The following CCDC171 variants were observed in gnomAD, a reference collection of about 807,000 sequenced individuals.
CCDC171 encodes the protein coiled-coil domain-containing protein 171.
In CCDC171, 177 loss-of-function variants were observed where a neutral mutation model predicts 168.2. The ratio of observed to expected loss-of-function variants is 1.05; its 90% CI spans 0.93 to 1.19. The LOEUF is 1.19. CCDC171 is among the 50% of genes most tolerant of loss of function. CCDC171 has a pLI of 0.00. For synonymous variants in CCDC171, 687 were observed against 540.8 expected (o/e 1.27, Z -3.75); for missense variants, 1,991 against 1,539.0 (o/e 1.29, Z -4.91).
intron 4 of CCDC171, among the ~76,000 whole-genome samples, chr9:15,587,428 A>G (rs193251881): frequency 6.6e-6 from 1 of 152,312 alleles, no homozygotes; most frequent in African/African-American, 2.4e-5. Context: ...CCATGCATGT[A>G]AGATATGACT....
At chr9:15,642,191 G>C (rs1193193372) in intron 7 of CCDC171, among the ~76,000 whole-genome samples, 1 of 151,444 alleles carries the variant, frequency 6.6e-6, no homozygotes, top group Non-Finnish European at 1.5e-5. Flanking sequence ...GTTGTTCGTA[G>C]TGTATAGTAC....
At chr9:16,085,687 G>A in the CCDC171 span, among the ~76,000 whole-genome samples, 12 of 152,206 alleles carry the variant, frequency 7.9e-5, 1 homozygote, top group Admixed American at 3.3e-4. Context: ...AGGTGGTATT[G>A]ATGCCAAATT....
chr9:15,719,990 C>T (rs367942789), intron 11 of CCDC171, among the ~76,000 whole-genome samples: 1 of 10,908 alleles, frequency 9.2e-5, no homozygotes, highest in Non-Finnish European at 3.7e-3. Context: ...AGTACTGTCT[C>T]CTCTATTATC....
At chr9:15,892,351 C>A (rs771686174) in intron 24 of CCDC171, among the ~76,000 whole-genome samples, 2 of 152,024 alleles carry the variant, frequency 1.3e-5, no homozygotes, top group Admixed American at 6.6e-5. Flanking sequence ...TTACATATGG[C>A]TCTTATTATT....
At chr9:15,694,129 G>T (rs568785942) in intron 10 of CCDC171, among the ~76,000 whole-genome samples, 1 of 152,082 alleles carries the variant, frequency 6.6e-6, no homozygotes, top group Non-Finnish European at 1.5e-5. Context: ...ATCCCCTTCT[G>T]TTTTTCTTCT....
intron 24 of CCDC171, among the ~76,000 whole-genome samples, chr9:15,906,805 G>T (rs1334749433): frequency 6.6e-6 from 1 of 152,080 alleles, no homozygotes; most frequent in African/African-American, 2.4e-5. Flanking sequence ...TCCTTAAGCT[G>T]ATAAGCGACT....
At position 15,574,345 on chromosome 9, in the gene CCDC171, A is replaced by G. The variant is rs373837595; in HGVS notation, c.177+2586A>G. Among the ~76,000 whole-genome samples, 11 of 151,666 alleles carry G rather than the reference A, an allele frequency of 7.3e-5. No homozygotes were observed. The East Asian group carries it at 2.1e-3, about 30-fold the overall frequency. On this transcript the variant is annotated intron_variant, in intron 3 of 25. Coordinates refer to ENST00000380701, the MANE Select transcript of CCDC171 (RefSeq NM_173550.4). ...TTTTTAGTAGAGACGGGATTTCACCATCTTGGCCAGGCTGGTCTCGAACTC... is the reference window on the plus strand; with the variant it reads ...TTTTTAGTAGAGACGGGATTTCACCGTCTTGGCCAGGCTGGTCTCGAACTC...
At chr9:16,102,416 A>G in the CCDC171 span, among the ~76,000 whole-genome samples, 6,648 of 146,230 alleles carry the variant, frequency 0.045, 247 homozygotes, top group African/African-American at 0.099. Context: ...TAAACAGGTC[A>G]TCTCAGCCAA....
chr9:16,005,400 T>C (rs971854958), intron 3 of CCDC171, among the ~76,000 whole-genome samples: 5 of 152,208 alleles, frequency 3.3e-5, no homozygotes, highest in African/African-American at 7.2e-5. Flanking sequence ...CATTCATCAG[T>C]TGATGGACAT....
rs555367941 is a variant in CCDC171, at chr9:15,862,775, C to T, written c.3469-11757C>T. On this transcript the variant is annotated intron_variant, in intron 23 of 25. Coordinates refer to ENST00000380701, the MANE Select transcript of CCDC171 (RefSeq NM_173550.4). ...CCAAACTGTCATCTTCTTAAAGGCT[C>T]CAGGGTTCTAGAGTATGCTAGAACC... Among the ~76,000 whole-genome samples, 4 of 152,112 alleles carry T rather than the reference C, an allele frequency of 2.6e-5. No homozygotes were observed. In the South Asian group the frequency reaches 6.2e-4, roughly 24 times the overall value.
At chr9:15,935,742 C>G (rs546034794) in intron 25 of CCDC171, among the ~76,000 whole-genome samples, 47 of 151,968 alleles carry the variant, frequency 3.1e-4, no homozygotes, top group African/African-American at 1.1e-3. Flanking sequence ...TTTTTTGATA[C>G]TTAATATGTT....
chr9:15,608,283 C>G (rs1330323532), intron 6 of CCDC171, among the ~76,000 whole-genome samples: 1 of 152,172 alleles, frequency 6.6e-6, no homozygotes, highest in African/African-American at 2.4e-5. Flanking sequence ...CACATTCAAA[C>G]CATAACACTG....
chr9:15,848,972 G>T (rs770517891), intron 23 of CCDC171, 25 bp downstream of exon 23: 1 of 1,320,662 alleles, frequency 7.6e-7, no homozygotes, highest in Non-Finnish European at 1.1e-6. Context: ...CTTTAATATT[G>T]TTCAATTTGT....
At chr9:15,705,811 A>T (rs2052176123) in intron 11 of CCDC171, among the ~76,000 whole-genome samples, 1 of 152,378 alleles carries the variant, frequency 6.6e-6, no homozygotes, top group Non-Finnish European at 1.5e-5. Context: ...AAGCAGCTAG[A>T]ATAGTACTTG....
At chr9:15,644,143 C>T (rs1166596840) in intron 7 of CCDC171, among the ~76,000 whole-genome samples, 1 of 152,152 alleles carries the variant, frequency 6.6e-6, no homozygotes, top group Non-Finnish European at 1.5e-5. Context: ...TGAGCAGCTA[C>T]CAAGCTGTTT....
chr9:16,005,597 A>G (rs376678429), intron 3 of CCDC171, among the ~76,000 whole-genome samples: 1 of 152,260 alleles, frequency 6.6e-6, no homozygotes, highest in South Asian at 2.1e-4. Context: ...AATAAACAAT[A>G]TAACAATAAA....
intron 6 of CCDC171, among the ~76,000 whole-genome samples, chr9:15,604,401 T>C (rs1052727961): frequency 6.6e-6 from 1 of 152,214 alleles, no homozygotes; most frequent in African/African-American, 2.4e-5. Flanking sequence ...TCCTTTGTTA[T>C]TTTTCCAGTT....
chr9:15,617,977 A>C (rs1479648541), intron 6 of CCDC171, among the ~76,000 whole-genome samples: 1 of 152,054 alleles, frequency 6.6e-6, no homozygotes, highest in Non-Finnish European at 1.5e-5. Context: ...GTCAGGAGGC[A>C]GGGGGGTCAG....
chr9:15,641,525 G>A (rs1272720408), intron 7 of CCDC171, among the ~76,000 whole-genome samples: 1 of 152,196 alleles, frequency 6.6e-6, no homozygotes, highest in African/African-American at 2.4e-5. Flanking sequence ...AACCAAATGT[G>A]ACGTGGAGAA....
Sources: allele counts gnomAD v4.1 joint callset (sites outside exome capture counted in the v4.1 genomes callset), GRCh38; gene constraint gnomAD v4.1.1; transcripts MANE v1.5; gene names NCBI Gene and HGNC (gene_info 2026-07-23, HGNC 2026-07-21).